ADARB1: variants seen among roughly 807,000 people sequenced by gnomAD.
ADARB1 encodes the protein adenosine deaminase RNA specific B1.
ADARB1 carries 10 observed loss-of-function variants against 52.4 expected under a neutral mutation model. The ratio of observed to expected loss-of-function variants is 0.19; its 90% CI spans 0.12 to 0.32. The LOEUF (loss-of-function observed/expected upper bound fraction) is 0.32, where lower values mean the gene tolerates loss of function less well. Ranked by LOEUF, ADARB1 falls within the 10% of genes least tolerant of loss-of-function variation. The pLI, the probability that ADARB1 is intolerant of heterozygous loss-of-function variation, is 1.00. For missense variants in ADARB1, 643 were observed against 922.3 expected (o/e 0.70, Z 3.92); for synonymous variants, 349 against 371.1 (o/e 0.94, Z 0.68).
At chr21:45,082,184 G>A (rs1178312545) in intron 1 of ADARB1, among the ~76,000 whole-genome samples, 1 of 152,128 alleles carries the variant, frequency 6.6e-6, no homozygotes, top group Non-Finnish European at 1.5e-5. Flanking sequence ...TTTTGTATTG[G>A]GTTCTGTTTG....
intron 1 of ADARB1, among the ~76,000 whole-genome samples, chr21:45,082,443 A>C (rs1475920622): frequency 6.6e-6 from 1 of 152,226 alleles, no homozygotes; most frequent in South Asian, 2.1e-4. Flanking sequence ...CCCACGGCCT[A>C]CAAAATTTGT....
chr21:45,132,275 G>A (rs906381771), intron 2 of ADARB1: 5 of 152,238 alleles, frequency 3.3e-5, no homozygotes, highest in African/African-American at 4.8e-5. Flanking sequence ...GCGTCCTATT[G>A]GAAGGTCGGC....
chr21:45,135,989 C>T (rs1057505472), intron 2 of ADARB1, among the ~76,000 whole-genome samples: 2 of 152,210 alleles, frequency 1.3e-5, no homozygotes, highest in Non-Finnish European at 1.5e-5. Context: ...AGCCACGGGA[C>T]TAGGCAGCAT....
chr21:45,136,282 G>A (rs548754376), intron 2 of ADARB1, among the ~76,000 whole-genome samples: 1 of 152,336 alleles, frequency 6.6e-6, no homozygotes. Context: ...CAGGCTTCCA[G>A]CAAGCTCTAC....
chr21:45,211,002 C>T (rs1569174916), intron 9 of ADARB1, among the ~76,000 whole-genome samples: 1 of 152,234 alleles, frequency 6.6e-6, no homozygotes, highest in Non-Finnish European at 1.5e-5. Context: ...CCTGAGGTCT[C>T]CTTTGAGAAA....
chr21:45,224,526 G>T lies in ADARB1; in HGVS notation c.*2329G>T, dbSNP rs2093024822. 1 of 1,079,554 alleles carries T rather than the reference G, an allele frequency of 9.3e-7. No individual in the cohort carries two copies. The highest frequency in any genetic ancestry group is 1.1e-6 in the Non-Finnish European group (1 of 884,498). 66.9% of individuals were successfully genotyped at this position (1,079,554 alleles called of 1,614,324 possible). A position where few individuals can be genotyped will look rare whatever the true frequency, so the allele number is the denominator to read the frequency against. ...CAGCTGTGGGGAGGAACTGGGTTCGGGGAGCCCTGGGCGGGGCGGCTGTTG... is the reference window on the plus strand; with the variant it reads ...CAGCTGTGGGGAGGAACTGGGTTCGTGGAGCCCTGGGCGGGGCGGCTGTTG... On this transcript the variant is annotated 3_prime_UTR_variant, in exon 11 of 11. Coordinates refer to ENST00000348831, the MANE Select transcript of ADARB1 (RefSeq NM_001112.4).
At position 45,204,442 on chromosome 21, in the gene ADARB1, G is replaced by T; in HGVS notation, c.1566-113G>T. On this transcript the variant is annotated intron_variant, in intron 8 of 10. Coordinates refer to ENST00000348831, the MANE Select transcript of ADARB1 (RefSeq NM_001112.4). The surrounding 1 kb of genome is among the most constrained non-coding windows in gnomAD (Gnocchi z 4.4). ...TTTTTGTTGCACTCCTTCGTCAGTTGGTTGGGATCCTGCGGAATTGCCAGT... is the reference window on the plus strand; with the variant it reads ...TTTTTGTTGCACTCCTTCGTCAGTTTGTTGGGATCCTGCGGAATTGCCAGT... The T allele has an allele frequency of 9.9e-7, 1 of 1,014,734 alleles. No individual in the cohort carries two copies. Among genetic ancestry groups the T allele is most frequent in the Non-Finnish European group, 1.5e-6 (1 of 681,684 alleles). 62.9% of individuals were successfully genotyped at this position (1,014,734 alleles called of 1,614,324 possible). A position where few individuals can be genotyped will look rare whatever the true frequency, so the allele number is the denominator to read the frequency against.
At position 45,176,523 on chromosome 21, in the gene ADARB1, T is replaced by C. The variant is rs1474861356; in HGVS notation, c.822T>C (p.Phe274=). 1 of 1,614,204 alleles carries C rather than the reference T, an allele frequency of 6.2e-7. No homozygotes were observed. ...VMSVVVDGQF[F]EGSGRNKKLA... Reference sequence around the variant, plus strand: ...CTGTGGTCGTGGATGGTCAGTTCTTTGAAGGCTCGGGGAGAAACAAGAAGC... The same window carrying C: ...CTGTGGTCGTGGATGGTCAGTTCTTCGAAGGCTCGGGGAGAAACAAGAAGC... The change falls in exon 4 of 11, where the codon TTT becomes TTC. Residue 274 remains phenylalanine (F), a synonymous_variant. Coordinates refer to ENST00000348831, the MANE Select transcript of ADARB1 (RefSeq NM_001112.4). The surrounding 1 kb of genome is among the most constrained non-coding windows in gnomAD (Gnocchi z 5.8).
At position 45,175,927 on chromosome 21, in the gene ADARB1, C is replaced by T; in HGVS notation, c.226C>T (p.Pro76Ser). Residue 76 changes from proline (P) to serine (S), a missense_variant, in exon 4 of 11, where the codon CCC becomes TCC. Around this residue, in one of 2 missense-constraint regions of ADARB1, gnomAD observed 380 missense variants for 446.5 expected, o/e 0.85. Transcript: ENST00000348831. The stretch of plus-strand genomic sequence containing the variant: ...GAAGAAAAGGAGGAAAACACCAGGG[C>T]CCGTCCTCCCCAAGAACGCCCTGAT... The part of the protein sequence containing the change: ...RLKKRRKTPG[P>S]VLPKNALMQL... 1.2e-6 allele frequency: 2 copies of T among 1,609,870 alleles called. No individual in the cohort carries two copies. The highest frequency in any genetic ancestry group is 2.2e-5 in the South Asian group (2 of 90,502).
At position 45,223,723 on chromosome 21, in the gene ADARB1, C is replaced by T; in HGVS notation, c.*1526C>T. 1 of 985,350 alleles carries T rather than the reference C, an allele frequency of 1.0e-6. No homozygotes were observed. Among genetic ancestry groups the T allele is most frequent in the Non-Finnish European group, 1.2e-6 (1 of 829,882 alleles). 61.0% of individuals were successfully genotyped at this position (985,350 alleles called of 1,614,324 possible). A position where few individuals can be genotyped will look rare whatever the true frequency, so the allele number is the denominator to read the frequency against. ...GCAGGGGCAGAGGGGCGTCATCCTC[C>T]CACCGGACGCTGGGAGCTCAGACCC... On this transcript the variant is annotated 3_prime_UTR_variant, in exon 11 of 11. Transcript: ENST00000348831.
At position 45,128,518 on chromosome 21, in the gene ADARB1, C is replaced by T. The variant is rs758083606; in HGVS notation, c.-103C>T. ...CTGAGATACTCTCTCAGTCCGCTCG[C>T]ACCGAAGGAAGCTGCCTTGGGATCA... On this transcript the variant is annotated 5_prime_UTR_variant, in exon 2 of 11. Coordinates refer to ENST00000348831, the MANE Select transcript of ADARB1 (RefSeq NM_001112.4). The surrounding 1 kb of genome is among the most constrained non-coding windows in gnomAD (Gnocchi z 4.6). 2.0e-5 allele frequency: 3 copies of T among 152,234 alleles called. No homozygotes were observed. Among genetic ancestry groups the T allele is most frequent in the Non-Finnish European group, 4.4e-5 (3 of 68,060 alleles). 9.4% of individuals were successfully genotyped at this position (152,234 alleles called of 1,614,324 possible).
chr21:45,163,077 G>A (rs902675935), intron 2 of ADARB1, among the ~76,000 whole-genome samples: 1 of 152,232 alleles, frequency 6.6e-6, no homozygotes, highest in Non-Finnish European at 1.5e-5. Context: ...GACCCATGAG[G>A]TGTTTCTGTT....
chr21:45,099,892 G>A (rs1020793332), intron 1 of ADARB1, among the ~76,000 whole-genome samples: 18 of 152,132 alleles, frequency 1.2e-4, no homozygotes, highest in African/African-American at 4.3e-4. Context: ...GTGCAACTTG[G>A]TGGTGGTGTT....
At chr21:45,086,461 A>G (rs959143362) in intron 1 of ADARB1, among the ~76,000 whole-genome samples, 3 of 152,128 alleles carry the variant, frequency 2.0e-5, no homozygotes, top group African/African-American at 7.2e-5. Context: ...TGTCACCTCA[A>G]ATGTTCCCTG....
intron 1 of ADARB1, among the ~76,000 whole-genome samples, chr21:45,095,918 G>T (rs1380336008): frequency 3.3e-5 from 5 of 152,212 alleles, no homozygotes; most frequent in African/African-American, 1.2e-4. Context: ...CCTAAAAAGT[G>T]GGGCTGTTGG....
rs769718124 is a variant in ADARB1, at chr21:45,224,931, G to A, written c.*2734G>A. On this transcript the variant is annotated 3_prime_UTR_variant, in exon 11 of 11. Coordinates refer to ENST00000348831, the MANE Select transcript of ADARB1 (RefSeq NM_001112.4). ...TTTAGACTATAGCTGTTTCATTGAC[G>A]TGTCACTCTCCATCCAGTGTCCTTG... 4.6e-4 allele frequency: 455 copies of A among 983,156 alleles called. No individual in the cohort carries two copies. In the Middle Eastern group the frequency reaches 7.3e-3, roughly 16 times the overall value. 60.9% of individuals were successfully genotyped at this position (983,156 alleles called of 1,614,324 possible). A position where few individuals can be genotyped will look rare whatever the true frequency, so the allele number is the denominator to read the frequency against.
At chr21:45,195,703 C>G (rs1601899593) in intron 8 of ADARB1, among the ~76,000 whole-genome samples, 1 of 151,204 alleles carries the variant, frequency 6.6e-6, no homozygotes, top group East Asian at 1.9e-4. Flanking sequence ...GCTCTTTTGT[C>G]AAAGATCAGT....
chr21:45,130,430 G>A (rs1009069828), intron 2 of ADARB1, among the ~76,000 whole-genome samples: 19 of 152,178 alleles, frequency 1.2e-4, no homozygotes, highest in Admixed American at 2.6e-4. Context: ...AAAATATTAC[G>A]ACATGATGAG....
Position 45,176,983 on chromosome 21 carries a change from A to C in ADARB1, c.963+319A>C. On this transcript the variant is annotated intron_variant, in intron 4 of 10. Coordinates refer to ENST00000348831, the MANE Select transcript of ADARB1 (RefSeq NM_001112.4). The surrounding 1 kb of genome is among the most constrained non-coding windows in gnomAD (Gnocchi z 5.8). ...CAACCCCCCCCATGACCCTCATCCCACAGCAAGCCTTTAGCAGGAGAGACG... is the reference window on the plus strand; with the variant it reads ...CAACCCCCCCCATGACCCTCATCCCCCAGCAAGCCTTTAGCAGGAGAGACG... The C allele has an allele frequency of 3.7e-6, 1 of 267,946 alleles. No individual in the cohort carries two copies. Among genetic ancestry groups the C allele is most frequent in the Non-Finnish European group, 7.1e-6 (1 of 141,324 alleles). The allele number at this position is 267,946 out of a possible 1,614,324, so 16.6% of individuals were successfully genotyped here. A position where few individuals can be genotyped will look rare whatever the true frequency, so the allele number is the denominator to read the frequency against.
Sources: allele counts gnomAD v4.1 joint callset (sites outside exome capture counted in the v4.1 genomes callset), GRCh38; gene constraint gnomAD v4.1.1; regional missense constraint gnomAD v4.1.1; non-coding constraint Gnocchi (gnomAD v3.1); transcripts MANE v1.5; gene names NCBI Gene and HGNC (gene_info 2026-07-23, HGNC 2026-07-21).